PRH1: variants seen among roughly 807,000 people sequenced by gnomAD.
The protein encoded by PRH1 is proline rich protein HaeIII subfamily 1.
A neutral mutation model predicts 7.9 loss-of-function variants in PRH1; 7 were observed. That is an observed-to-expected ratio of 0.89 (90% CI 0.50 to 1.67). The LOEUF (loss-of-function observed/expected upper bound fraction) is 1.67, where lower values mean the gene tolerates loss of function less well. Among genes scored for constraint, PRH1 ranks in the 40% most tolerant of loss-of-function variants. PRH1 has a pLI of 0.00. For missense variants in PRH1, 109 were observed against 223.6 expected (o/e 0.49, Z 3.27); for synonymous variants, 45 against 80.8 (o/e 0.56, Z 2.38).
chr12:11,005,951 T>A (rs891632566), intron 1 of PRH1: 1 of 152,146 alleles, frequency 6.6e-6, no homozygotes, highest in Non-Finnish European at 1.5e-5. Flanking sequence ...GGTATGAATA[T>A]TCACTTTTAT....
intron 2 of PRH1, among the ~76,000 whole-genome samples, chr12:10,972,340 T>C (rs1319420640): frequency 6.6e-6 from 1 of 152,168 alleles, no homozygotes; most frequent in African/African-American, 2.4e-5. Context: ...TGTGCACTAA[T>C]ATTTTTGATG....
At chr12:10,977,403 A>G (rs1404205431) in intron 1 of PRH1, among the ~76,000 whole-genome samples, 1 of 152,220 alleles carries the variant, frequency 6.6e-6, no homozygotes, top group Non-Finnish European at 1.5e-5. Context: ...CTAGGAATTG[A>G]AGGTATATAC....
intron 2 of PRH1, chr12:10,937,263 T>C (rs184459021): frequency 6.6e-6 from 1 of 152,030 alleles, no homozygotes; most frequent in Admixed American, 6.6e-5. Context: ...TGTGTATGAA[T>C]ATGTATATTG....
intron 1 of PRH1, among the ~76,000 whole-genome samples, chr12:11,157,125 C>T (rs943300780): frequency 6.6e-6 from 1 of 152,216 alleles, no homozygotes; most frequent in Non-Finnish European, 1.5e-5. Context: ...GGATTACCCA[C>T]ACTTTGGTCA....
chr12:10,927,410 T>C (rs1950138194), intron 2 of PRH1, among the ~76,000 whole-genome samples: 1 of 152,174 alleles, frequency 6.6e-6, no homozygotes, highest in Non-Finnish European at 1.5e-5. Context: ...TGGGAGCTGC[T>C]TGGCTTAAGC....
At chr12:10,932,586 C>A (rs570705258) in intron 2 of PRH1, among the ~76,000 whole-genome samples, 5 of 152,200 alleles carry the variant, frequency 3.3e-5, no homozygotes, top group Admixed American at 1.3e-4. Flanking sequence ...CAAAACAGGA[C>A]CAATGAAAGA....
At chr12:10,993,208 A>C (rs1458729434) in intron 1 of PRH1, among the ~76,000 whole-genome samples, 1 of 152,214 alleles carries the variant, frequency 6.6e-6, no homozygotes, top group African/African-American at 2.4e-5. Context: ...GATTTGGTGA[A>C]TGCTTTTTAA....
chr12:10,885,063 C>A (rs1261376078), upstream of PRH1, among the ~76,000 whole-genome samples: 4 of 152,160 alleles, frequency 2.6e-5, no homozygotes, highest in African/African-American at 7.2e-5. Flanking sequence ...ATAGCTAAGA[C>A]CTCCACTTTC....
At chr12:10,978,918 A>C (rs963911760) in intron 1 of PRH1, among the ~76,000 whole-genome samples, 6 of 152,222 alleles carry the variant, frequency 3.9e-5, no homozygotes, top group Admixed American at 2.0e-4. Flanking sequence ...CAAACAAACA[A>C]ACAAACAAAC....
chr12:10,992,467 T>C (rs1051241334), intron 1 of PRH1, among the ~76,000 whole-genome samples: 11 of 152,268 alleles, frequency 7.2e-5, no homozygotes, highest in African/African-American at 2.6e-4. Flanking sequence ...CAGCCCAGGC[T>C]GGAGTGAAAT....
chr12:11,061,803 C>T lies in PRH1; in HGVS notation n.124-14615G>A, dbSNP rs756677826. On this transcript the variant is annotated intron_variant and non_coding_transcript_variant, in intron 1 of 4. Coordinates refer to the PRH1 transcript ENST00000541977. ...ACATTGCACTCCTCAGTTTGATCTT[C>T]CAAGTCATGTTTCCTTCATATTCTT... 5 of 1,614,042 alleles carry T rather than the reference C, an allele frequency of 3.1e-6. No individual in the cohort carries two copies. The African/African-American group carries it at 6.7e-5, about 22-fold the overall frequency.
At chr12:11,062,238 A>G in intron 1 of PRH1, 1 of 1,613,344 alleles carries the variant, frequency 6.2e-7, no homozygotes, top group Non-Finnish European at 8.5e-7. Flanking sequence ...CAAAATTTCC[A>G]ATCACAAATG....
At chr12:11,051,560 G>C (rs141166591), upstream of PRH1, among the ~76,000 whole-genome samples, 49 of 151,212 alleles carry the variant, frequency 3.2e-4, no homozygotes, top group African/African-American at 1.1e-3. Context: ...TAACAGCCTA[G>C]GTTTACCTCA....
At chr12:10,931,965 C>G (rs1950219786) in intron 2 of PRH1, among the ~76,000 whole-genome samples, 1 of 152,132 alleles carries the variant, frequency 6.6e-6, no homozygotes, top group East Asian at 1.9e-4. Flanking sequence ...GAAAATAACC[C>G]TTAACGTATC....
downstream of PRH1, among the ~76,000 whole-genome samples, chr12:11,116,607 CAA>C (rs1370725920): frequency 1.3e-5 from 2 of 151,966 alleles, no homozygotes; most frequent in African/African-American, 4.8e-5. Context: ...CAAAACCAGA[CAA>C]AGACACATCT....
rs201938175 is a variant in PRH1, at chr12:11,075,381, CT to C, written n.124-28194del. Among the ~76,000 whole-genome samples, 197 of 104,240 alleles carry C rather than the reference CT, an allele frequency of 1.9e-3. 20 individuals are homozygous for C. Among genetic ancestry groups the C allele is most frequent in the Admixed American group, 1.8e-3 (19 of 10,364 alleles). 68.4% of individuals were successfully genotyped at this position (104,240 alleles called of 152,430 possible). ...CTTAACCAGTTGCAAAGTTTGCTAG[CT>C]TTTTTTTTTTTTCATTTCTTTTGTG... On this transcript the variant is annotated intron_variant and non_coding_transcript_variant, in intron 1 of 4. Coordinates refer to the PRH1 transcript ENST00000541977.
intron 1 of PRH1, among the ~76,000 whole-genome samples, chr12:11,072,496 T>C (rs1463975087): frequency 2.6e-5 from 4 of 152,236 alleles, no homozygotes; most frequent in Non-Finnish European, 5.9e-5. Flanking sequence ...CCTGCGAAAT[T>C]CTCCTCCACT....
At chr12:11,009,604 TA>T (rs1185531492) in intron 1 of PRH1, among the ~76,000 whole-genome samples, 11 of 152,082 alleles carry the variant, frequency 7.2e-5, no homozygotes, top group African/African-American at 2.6e-4. Flanking sequence ...ATGAAAATAG[TA>T]ACAATTTTCT....
At chr12:10,908,828 G>A (rs1446873165) in intron 2 of PRH1, 3 of 1,613,610 alleles carry the variant, frequency 1.9e-6, no homozygotes, top group African/African-American at 2.7e-5. Context: ...TTTCATATCG[G>A]TCCAGCCAGT....
Sources: allele counts gnomAD v4.1 joint callset (sites outside exome capture counted in the v4.1 genomes callset), GRCh38; gene constraint gnomAD v4.1.1; transcripts MANE v1.5; gene names NCBI Gene and HGNC (gene_info 2026-07-23, HGNC 2026-07-21).